CADPS: variants seen among roughly 807,000 people sequenced by gnomAD.
CADPS encodes the protein calcium-dependent secretion activator 1.
A neutral mutation model predicts 167.3 loss-of-function variants in CADPS; 57 were observed. The ratio of observed to expected loss-of-function variants is 0.34; its 90% CI spans 0.28 to 0.42. The LOEUF (loss-of-function observed/expected upper bound fraction) is 0.42, where lower values mean the gene tolerates loss of function less well. Among genes scored for constraint, CADPS ranks in the 20% least tolerant of loss-of-function variants. The pLI is 1.00. For missense variants in CADPS, 1,414 were observed against 1,738.1 expected (o/e 0.81, Z 3.32); for synonymous variants, 676 against 635.3 (o/e 1.06, Z -0.96).
At chr3:62,824,614 C>T (rs1225751596) in intron 1 of CADPS, among the ~76,000 whole-genome samples, 2 of 152,120 alleles carry the variant, frequency 1.3e-5, no homozygotes, top group African/African-American at 4.8e-5. Context: ...CAAAAATCCA[C>T]AGTGGTAAAG....
chr3:62,478,481 C>T lies in CADPS; in HGVS notation c.3174-65G>A. The T allele has an allele frequency of 6.7e-7, 1 of 1,482,800 alleles. No individual in the cohort carries two copies. The highest frequency in any genetic ancestry group is 9.2e-7 in the Non-Finnish European group (1 of 1,084,656). The allele number at this position is 1,482,800 out of a possible 1,614,324, so 91.9% of individuals were successfully genotyped here. On this transcript the variant is annotated intron_variant, in intron 22 of 29. Coordinates refer to ENST00000383710, the MANE Select transcript of CADPS (RefSeq NM_003716.4). The surrounding 1 kb of genome is among the most constrained non-coding windows in gnomAD (Gnocchi z 5.7). ...GCCTCAGGCTCTACAAAAACTAACACAGAGACAACTGGGGGCTAGAAGGCA... is the reference window on the plus strand; with the variant it reads ...GCCTCAGGCTCTACAAAAACTAACATAGAGACAACTGGGGGCTAGAAGGCA...
chr3:62,803,332 CTT>C (rs57928697), intron 1 of CADPS, among the ~76,000 whole-genome samples: 25,942 of 139,352 alleles, frequency 0.19, 2,343 homozygotes, highest in Middle Eastern at 0.29. Context: ...GAGATGCTTC[CTT>C]TTTTTTTTTT....
intron 1 of CADPS, among the ~76,000 whole-genome samples, chr3:62,806,883 G>A (rs370949544): frequency 6.6e-6 from 1 of 152,146 alleles, no homozygotes; most frequent in East Asian, 1.9e-4. Context: ...CAAGGAATCT[G>A]CAACTCTTCC....
At position 62,753,545 on chromosome 3, in the gene CADPS, C is replaced by T. The variant is rs150415917; in HGVS notation, c.784G>A (p.Ala262Thr). 66 of 1,614,098 alleles carry T rather than the reference C, an allele frequency of 4.1e-5. No homozygotes were observed. Among genetic ancestry groups the T allele is most frequent in the East Asian group, 2.0e-4 (9 of 44,854 alleles). The change falls in exon 3 of 30, where the codon GCA (alanine) becomes ACA (threonine). Residue 262 changes from alanine (A) to threonine (T), a missense_variant. Physicochemically the swap from Ala to Thr is moderately conservative, Grantham distance 58. Around this residue, in one of 6 missense-constraint regions of CADPS, gnomAD observed 522 missense variants for 559.5 expected, o/e 0.93. Transcript: ENST00000383710. The surrounding 1 kb of genome is among the most constrained non-coding windows in gnomAD (Gnocchi z 4.6). Reference sequence around the variant, plus strand: ...TTGCTCAGAATCAGCTCGGAGGCTGCGCTGGCTGTCATCCGGGCCTGCTGC... The same window carrying T: ...TTGCTCAGAATCAGCTCGGAGGCTGTGCTGGCTGTCATCCGGGCCTGCTGC... The part of the protein sequence containing the change: ...RKQQARMTAS[A>T]ASELILSKEQ...
At chr3:62,725,970 GC>G (rs1282931955) in intron 3 of CADPS, among the ~76,000 whole-genome samples, 6 of 151,776 alleles carry the variant, frequency 4.0e-5, no homozygotes, top group Non-Finnish European at 1.5e-5. Context: ...CCAGAGTCTG[GC>G]TTTGGACACT....
In CADPS at chr3:62,512,732, G is replaced by GCATATA. The variant is rs778698241; in HGVS notation, c.2599+13_2599+18dup. 6.3e-7 allele frequency: 1 copy of GCATATA among 1,591,484 alleles called. No homozygotes were observed. Among genetic ancestry groups the GCATATA allele is most frequent in the South Asian group, 1.1e-5 (1 of 89,002 alleles). ...CTCAACAGTCCTGATAATTTATAAT[G>GCATATA]CATATACAATTGGTTCACCTGCATC... On this transcript the variant is annotated intron_variant, in intron 17 of 29. Coordinates refer to ENST00000383710, the MANE Select transcript of CADPS (RefSeq NM_003716.4).
chr3:62,589,579 C>G (rs566726453), intron 7 of CADPS, among the ~76,000 whole-genome samples: 1 of 152,176 alleles, frequency 6.6e-6, no homozygotes, highest in African/African-American at 2.4e-5. Context: ...ACCCTCTGGG[C>G]GTCAGCATGC....
intron 1 of CADPS, among the ~76,000 whole-genome samples, chr3:62,794,049 G>C (rs1299010883): frequency 6.6e-6 from 1 of 152,060 alleles, no homozygotes; most frequent in Non-Finnish European, 1.5e-5. Context: ...AATCTGCCAA[G>C]ATACACATGT....
intron 3 of CADPS, among the ~76,000 whole-genome samples, chr3:62,730,425 T>A (rs919145058): frequency 2.0e-5 from 3 of 152,160 alleles, no homozygotes; most frequent in African/African-American, 7.2e-5. Context: ...TTGGGTAGTA[T>A]TCTAGTCAAA....
intron 17 of CADPS, among the ~76,000 whole-genome samples, chr3:62,507,475 C>T (rs2066904490): frequency 1.3e-5 from 2 of 151,874 alleles, no homozygotes; most frequent in African/African-American, 4.8e-5. Flanking sequence ...ATCACACACT[C>T]CCCTGGTGTC....
intron 1 of CADPS, among the ~76,000 whole-genome samples, chr3:62,823,366 G>C (rs2073379560): frequency 6.6e-6 from 1 of 152,132 alleles, no homozygotes; most frequent in Non-Finnish European, 1.5e-5. Context: ...GAAACAATCA[G>C]ACTTGTATAT....
At chr3:62,603,871 G>C (rs568003287) in intron 6 of CADPS, among the ~76,000 whole-genome samples, 15 of 151,928 alleles carry the variant, frequency 9.9e-5, no homozygotes, top group African/African-American at 3.4e-4. Context: ...CTGTCACCCA[G>C]GCTGGAGTGC....
chr3:62,741,620 A>G (rs1030154673), intron 3 of CADPS, among the ~76,000 whole-genome samples: 3 of 152,208 alleles, frequency 2.0e-5, no homozygotes, highest in African/African-American at 7.2e-5. Context: ...GAAGGAACAT[A>G]CCTCAAAATA....
intron 12 of CADPS, among the ~76,000 whole-genome samples, chr3:62,535,188 A>G (rs920100461): frequency 5.3e-5 from 8 of 151,596 alleles, no homozygotes; most frequent in Non-Finnish European, 7.4e-5. Context: ...AACACATTTG[A>G]GAAAAATTGC....
At position 62,708,632 on chromosome 3, in the gene CADPS, T is replaced by C. The variant is rs141614577; in HGVS notation, c.888+44809A>G. Among the ~76,000 whole-genome samples, 626 of 151,980 alleles carry C rather than the reference T, an allele frequency of 4.1e-3. 9 individuals are homozygous for C. Among genetic ancestry groups the C allele is most frequent in the African/African-American group, 0.014 (585 of 41,394 alleles). On this transcript the variant is annotated intron_variant, in intron 3 of 29. Coordinates refer to ENST00000383710, the MANE Select transcript of CADPS (RefSeq NM_003716.4). ...GGGTAAAACACGAAGATGGGCTGAG[T>C]TGGGGAATGTAGAAATCTGTAGGAG...
chr3:62,738,666 C>A (rs1575668585), intron 3 of CADPS, among the ~76,000 whole-genome samples: 1 of 152,104 alleles, frequency 6.6e-6, no homozygotes, highest in Admixed American at 6.5e-5. Flanking sequence ...GCGGAGGTTG[C>A]AGTGAGCCAA....
intron 1 of CADPS, among the ~76,000 whole-genome samples, chr3:62,853,919 G>T (rs2079133532): frequency 1.3e-5 from 2 of 152,088 alleles, no homozygotes; most frequent in African/African-American, 4.8e-5. Flanking sequence ...TCTTTCCACA[G>T]CACTCCAGCC....
chr3:62,761,232 T>A (rs1312485646), intron 2 of CADPS, among the ~76,000 whole-genome samples: 3 of 152,194 alleles, frequency 2.0e-5, no homozygotes, highest in Admixed American at 6.5e-5. Context: ...CTTCTGCTGT[T>A]GTTATGATGA....
intron 3 of CADPS, among the ~76,000 whole-genome samples, chr3:62,675,958 C>A (rs759270073): frequency 6.6e-6 from 1 of 151,224 alleles, no homozygotes; most frequent in Non-Finnish European, 1.5e-5. Context: ...CTGTAAAATC[C>A]TCCCCAATTA....
Sources: gnomAD v4.1 joint callset for allele counts (sites outside exome capture counted in the v4.1 genomes callset) on GRCh38, gnomAD v4.1.1 for gene constraint, gnomAD v4.1.1 regional missense constraint, Gnocchi (gnomAD v3.1) non-coding constraint, MANE v1.5 for transcripts, NCBI Gene and HGNC (gene_info 2026-07-23, HGNC 2026-07-21) for gene names.